ZBTB11: variants seen among roughly 807,000 people sequenced by gnomAD.
The protein encoded by ZBTB11 is zinc finger and BTB domain-containing protein 11.
ZBTB11 carries 68 observed loss-of-function variants against 113.1 expected under a neutral mutation model. That is an observed-to-expected ratio of 0.60 (90% CI 0.49 to 0.74). The LOEUF (loss-of-function observed/expected upper bound fraction) is 0.74, where lower values mean the gene tolerates loss of function less well. Among genes scored for constraint, ZBTB11 ranks in the 30% least tolerant of loss-of-function variants. The pLI is 0.00. For synonymous variants in ZBTB11, 518 were observed against 452.6 expected (o/e 1.14, Z -1.83); for missense variants, 1,104 against 1,279.4 (o/e 0.86, Z 2.09).
chr3:101,655,327 T>C lies in ZBTB11; in HGVS notation c.2192-506A>G, dbSNP rs111370400. 9.7e-4 allele frequency among the ~76,000 whole-genome samples: 148 copies of C among 152,370 alleles called. 1 individual carries two copies. Among genetic ancestry groups the C allele is most frequent in the Admixed American group, 3.2e-3 (49 of 15,304 alleles). On this transcript the variant is annotated intron_variant, in intron 7 of 10. Transcript: ENST00000312938. ...ACAACCATAGTACTATCAGAGGGTA[T>C]GACCCTAGTCATGTGATACGGTTGT...
intron 6 of ZBTB11, among the ~76,000 whole-genome samples, chr3:101,657,565 A>G (rs1173482824): frequency 1.3e-5 from 2 of 152,004 alleles, no homozygotes; most frequent in Non-Finnish European, 2.9e-5. Context: ...AGGGTAGTAA[A>G]TAACAGTATA....
chr3:101,676,426 T>TC, intron 1 of ZBTB11, 179 bp downstream of exon 1: 1 of 622,394 alleles, frequency 1.6e-6, no homozygotes, highest in South Asian at 4.3e-5. Flanking sequence ...CCGGCCTCCT[T>TC]CCTGTGGGAA....
At chr3:101,675,183 C>T (rs1039408436) in intron 1 of ZBTB11, among the ~76,000 whole-genome samples, 4 of 152,230 alleles carry the variant, frequency 2.6e-5, no homozygotes, top group African/African-American at 9.6e-5. Context: ...CAATTATCAT[C>T]TTTAACAAAT....
rs1407955760 is a variant in ZBTB11 at position 101,651,352 on chromosome 3, A to G, written c.2976T>C (p.Thr992=). 6.2e-7 allele frequency: 1 copy of G among 1,613,870 alleles called. No homozygotes were observed. The highest frequency in any genetic ancestry group is 8.5e-7 in the Non-Finnish European group (1 of 1,179,960). The stretch of plus-strand genomic sequence containing the variant: ...CTGCAACAGCTTCCAGAGCTTCCAT[A>G]GTTTCTCCTGTCACTACCACAGTCT... The part of the protein sequence containing the change: ...ELETVVVTGE[T]MEALEAVAAT... Residue 992 remains threonine (T), a synonymous_variant, in exon 11 of 11, where the codon ACT becomes ACC. Transcript: ENST00000312938.
chr3:101,676,210 C>A (rs868225095), intron 1 of ZBTB11, among the ~76,000 whole-genome samples: 31 of 152,234 alleles, frequency 2.0e-4, no homozygotes, highest in Admixed American at 1.8e-3. Context: ...TTCCAAACGT[C>A]AGCACAGTCG....
In ZBTB11 at chr3:101,672,036, G is replaced by A; in HGVS notation, c.488C>T (p.Pro163Leu). The A allele has an allele frequency of 6.2e-7, 1 of 1,614,124 alleles. No individual in the cohort carries two copies. Among genetic ancestry groups the A allele is most frequent in the South Asian group, 1.1e-5 (1 of 91,080 alleles). The change falls in exon 2 of 11, where the codon CCA (proline) becomes CTA (leucine). Residue 163 changes from proline (P) to leucine (L), a missense_variant. By Grantham distance (98) the Pro-to-Leu change is moderately conservative. Around this residue, in one of 5 missense-constraint regions of ZBTB11, gnomAD observed 245 missense variants for 272.5 expected, o/e 0.90. Coordinates refer to ENST00000312938, the MANE Select transcript of ZBTB11 (RefSeq NM_014415.4). ...TTTTGCAGGCTTGGATGCTGTAGTTGGAGATGAAGTAAAGTTGCTCAGGTC... is the reference window on the plus strand; with the variant it reads ...TTTTGCAGGCTTGGATGCTGTAGTTAGAGATGAAGTAAAGTTGCTCAGGTC... ...EDDLSNFTSS[P>L]TTASKPAKKK...
intron 3 of ZBTB11, among the ~76,000 whole-genome samples, chr3:101,668,569 C>T (rs1008136094): frequency 6.7e-6 from 1 of 150,166 alleles, no homozygotes; most frequent in Admixed American, 6.7e-5. Context: ...TTGCTTGAGC[C>T]TATGACTGCA....
At chr3:101,655,647 C>T (rs1262203632) in intron 7 of ZBTB11, among the ~76,000 whole-genome samples, 1 of 151,866 alleles carries the variant, frequency 6.6e-6, no homozygotes, top group Non-Finnish European at 1.5e-5. Flanking sequence ...AGCTGTAAAA[C>T]CAGATCTGAG....
chr3:101,675,866 G>A (rs1937158597), intron 1 of ZBTB11, among the ~76,000 whole-genome samples: 1 of 152,166 alleles, frequency 6.6e-6, no homozygotes, highest in Non-Finnish European at 1.5e-5. Flanking sequence ...AGGCCGAGGC[G>A]GGAGGATGGC....
At chr3:101,654,597 C>G (rs1936762430) in intron 8 of ZBTB11, 107 bp downstream of exon 8, 1 of 894,520 alleles carries the variant, frequency 1.1e-6, no homozygotes, top group East Asian at 2.5e-5. Context: ...ACATTAAAAT[C>G]AAGAGTAAAC....
At chr3:101,652,720 C>A in intron 9 of ZBTB11, 49 bp from the exon 10 acceptor site, 1 of 1,610,592 alleles carries the variant, frequency 6.2e-7, no homozygotes, top group South Asian at 1.1e-5. Context: ...AAGTAGCAGC[C>A]ATAACAATCA....
intron 3 of ZBTB11, among the ~76,000 whole-genome samples, chr3:101,668,114 C>T (rs1937025172): frequency 6.8e-6 from 1 of 147,806 alleles, no homozygotes; most frequent in South Asian, 2.2e-4. Context: ...AGATAAATAC[C>T]AAATGTCCTC....
At chr3:101,657,048 G>C (rs1312137528) in intron 6 of ZBTB11, among the ~76,000 whole-genome samples, 1 of 151,012 alleles carries the variant, frequency 6.6e-6, no homozygotes, top group African/African-American at 2.4e-5. Flanking sequence ...GGCTGAGGTA[G>C]GAGAATCACT....
chr3:101,668,848 AAAAT>A (rs1460106958), intron 3 of ZBTB11, among the ~76,000 whole-genome samples: 3 of 152,190 alleles, frequency 2.0e-5, no homozygotes, highest in Admixed American at 1.3e-4. Flanking sequence ...GGACTATCTG[AAAAT>A]AAATAAAAGG....
At chr3:101,654,591 TAAAATC>T in intron 8 of ZBTB11, 107 bp downstream of exon 8, 2 of 866,792 alleles carry the variant, frequency 2.3e-6, no homozygotes, top group Middle Eastern at 2.5e-4. Context: ...AAAAGGACAT[TAAAATC>T]AAGAGTAAAC....
At position 101,651,475 on chromosome 3, in the gene ZBTB11, G is replaced by A; in HGVS notation, c.2853C>T (p.Thr951=). The A allele has an allele frequency of 6.2e-7, 1 of 1,614,000 alleles. No homozygotes were observed. Among genetic ancestry groups the A allele is most frequent in the South Asian group, 1.1e-5 (1 of 91,060 alleles). ...VPCKIMLEKD[T]LQFHNQGTQV... is the part of the protein sequence containing the mutation. ...GAGTTCCTTGGTTATGAAACTGAAG[G>A]GTGTCTTTTTCCAGCATAATTTTGC... Residue 951 remains threonine, a synonymous_variant, in exon 11 of 11, where the codon ACC becomes ACT. Coordinates refer to ENST00000312938, the MANE Select transcript of ZBTB11 (RefSeq NM_014415.4).
In ZBTB11 at chr3:101,651,482, T is replaced by C. The variant is rs1003193205; in HGVS notation, c.2846A>G (p.Lys949Arg). Reference sequence around the variant, plus strand: ...TTGGTTATGAAACTGAAGGGTGTCTTTTTCCAGCATAATTTTGCAAGGCAC... The same window carrying C: ...TTGGTTATGAAACTGAAGGGTGTCTCTTTCCAGCATAATTTTGCAAGGCAC... ...DYVPCKIMLE[K>R]DTLQFHNQGT... The change falls in exon 11 of 11, where the codon AAA (lysine) becomes AGA (arginine). Residue 949 changes from lysine (K) to arginine (R), a missense_variant. This residue lies in a region of ZBTB11 where 148 missense variants were observed against 259.3 expected (regional missense o/e 0.57). Transcript: ENST00000312938. The C allele has an allele frequency of 2.5e-6, 4 of 1,614,192 alleles. No individual in the cohort carries two copies. The highest frequency in any genetic ancestry group is 3.4e-6 in the Non-Finnish European group (4 of 1,180,040).
At position 101,652,486 on chromosome 3, in the gene ZBTB11, G is replaced by C; in HGVS notation, c.2644+10C>G. 4 of 1,611,050 alleles carry C rather than the reference G, an allele frequency of 2.5e-6. No homozygotes were observed. The highest frequency in any genetic ancestry group is 1.7e-5 in the Admixed American group (1 of 59,696). ...TCTATAAGGATACATATAATATAAA[G>C]TATAGTTACCTTCATGGTTGTTCAT... On this transcript the variant is annotated intron_variant, in intron 10 of 10. Transcript: ENST00000312938.
At chr3:101,676,576 C>G (rs1937177981) in intron 1 of ZBTB11, 29 bp downstream of exon 1, 1 of 1,461,372 alleles carries the variant, frequency 6.8e-7, no homozygotes, top group East Asian at 2.6e-5. Flanking sequence ...AGTCGCCAGC[C>G]CGCCCCCTCG....
Sources: allele counts gnomAD v4.1 joint callset (sites outside exome capture counted in the v4.1 genomes callset), GRCh38; gene constraint gnomAD v4.1.1; regional missense constraint gnomAD v4.1.1; transcripts MANE v1.5; gene names NCBI Gene and HGNC (gene_info 2026-07-23, HGNC 2026-07-21).